The following CPNE8 variants were observed in gnomAD, a reference collection of about 807,000 sequenced individuals.
CPNE8 encodes copine 8.
A neutral mutation model predicts 81.5 loss-of-function variants in CPNE8; 45 were observed. The ratio of observed to expected loss-of-function variants is 0.55; its 90% CI spans 0.44 to 0.71. The LOEUF is 0.71. Ranked by LOEUF, CPNE8 falls within the 30% of genes least tolerant of loss-of-function variation. The pLI is 0.00. For synonymous variants in CPNE8, 252 were observed against 226.3 expected (o/e 1.11, Z -1.02); for missense variants, 594 against 672.1 (o/e 0.88, Z 1.28).
chr12:38,793,193 TA>T (rs1942369095), intron 6 of CPNE8, among the ~76,000 whole-genome samples: 1 of 143,164 alleles, frequency 7.0e-6, no homozygotes, highest in African/African-American at 3.0e-5. Context: ...CTCCCACTTC[TA>T]TTCAACATAA....
intron 19 of CPNE8, among the ~76,000 whole-genome samples, chr12:38,662,429 G>A (rs955757449): frequency 3.3e-5 from 5 of 151,868 alleles, no homozygotes; most frequent in Non-Finnish European, 5.9e-5. Context: ...CTAGAAATAC[G>A]TTTAATCAAA....
intron 13 of CPNE8, among the ~76,000 whole-genome samples, chr12:38,718,335 C>A (rs929029902): frequency 1.3e-5 from 2 of 152,054 alleles, no homozygotes; most frequent in African/African-American, 4.8e-5. Flanking sequence ...TGTGTTTTTT[C>A]TTTAGTTGAA....
intron 3 of CPNE8, among the ~76,000 whole-genome samples, chr12:38,848,896 C>A (rs1424498926): frequency 6.6e-6 from 1 of 152,124 alleles, no homozygotes; most frequent in African/African-American, 2.4e-5. Flanking sequence ...CATAATGCTT[C>A]TCCTTCTCCT....
intron 4 of CPNE8, among the ~76,000 whole-genome samples, chr12:38,847,062 C>T (rs994193402): frequency 8.6e-5 from 13 of 151,770 alleles, no homozygotes; most frequent in African/African-American, 2.4e-4. Context: ...AAAAAAAAAT[C>T]CCAGCATATA....
intron 3 of CPNE8, among the ~76,000 whole-genome samples, chr12:38,864,059 A>G: frequency 8.1e-6 from 1 of 123,406 alleles, no homozygotes; most frequent in African/African-American, 2.6e-5. Context: ...ATCTCTCACA[A>G]AAAAAAAAAA....
intron 8 of CPNE8, among the ~76,000 whole-genome samples, chr12:38,762,841 G>A (rs1941598906): frequency 6.6e-6 from 1 of 152,062 alleles, no homozygotes; most frequent in Admixed American, 6.6e-5. Flanking sequence ...TGAGAGAAAG[G>A]TGGGAGCAAT....
intron 19 of CPNE8, among the ~76,000 whole-genome samples, chr12:38,659,766 C>T (rs2630776): frequency 0.1 from 15,941 of 151,998 alleles, 1,045 homozygotes; most frequent in East Asian, 0.24. Flanking sequence ...CACAACTATA[C>T]GGAAACTGAA....
At chr12:38,799,410 C>A (rs559066407) in intron 6 of CPNE8, among the ~76,000 whole-genome samples, 57 of 152,248 alleles carry the variant, frequency 3.7e-4, no homozygotes, top group Middle Eastern at 3.4e-3. Flanking sequence ...AACTGCTCAA[C>A]TACATGGAAA....
At chr12:38,905,621 G>C, upstream of CPNE8, 1 of 1,519,806 alleles carries the variant, frequency 6.6e-7, no homozygotes, top group Non-Finnish European at 8.8e-7. Flanking sequence ...GCGGGGATGG[G>C]GGTTGAGGGT....
intron 18 of CPNE8, among the ~76,000 whole-genome samples, chr12:38,671,330 A>G (rs557797038): frequency 4.5e-4 from 68 of 152,220 alleles, no homozygotes; most frequent in African/African-American, 1.6e-3. Flanking sequence ...TTACAAATAG[A>G]TTTAACAACA....
intron 6 of CPNE8, among the ~76,000 whole-genome samples, chr12:38,817,080 G>A (rs75430965): frequency 0.013 from 1,926 of 152,234 alleles, 48 homozygotes; most frequent in African/African-American, 0.043. Context: ...CCTTTCTCCA[G>A]GGAATATGTG....
chr12:38,729,802 A>G (rs1940789886), intron 11 of CPNE8, among the ~76,000 whole-genome samples: 1 of 152,018 alleles, frequency 6.6e-6, no homozygotes, highest in Non-Finnish European at 1.5e-5. Context: ...AAATAACTAC[A>G]ATGTGTCTGC....
At chr12:38,901,471 A>C (rs57068357) in intron 1 of CPNE8, among the ~76,000 whole-genome samples, 11,248 of 152,252 alleles carry the variant, frequency 0.074, 1,106 homozygotes, top group African/African-American at 0.22. Context: ...CTATAGTAAT[A>C]AGCTTTCAGA....
At chr12:38,766,704 CCCT>C (rs1281030782) in intron 8 of CPNE8, among the ~76,000 whole-genome samples, 1 of 151,536 alleles carries the variant, frequency 6.6e-6, no homozygotes, top group Non-Finnish European at 1.5e-5. Flanking sequence ...CATTCTATTC[CCCT>C]CATTTTTAAT....
intron 6 of CPNE8, among the ~76,000 whole-genome samples, chr12:38,817,614 CTTT>C (rs869168296): frequency 1.1e-5 from 1 of 90,614 alleles, no homozygotes; most frequent in Admixed American, 1.7e-4. Context: ...TTAATTTATT[CTTT>C]TTTTTTTTTT....
At chr12:38,654,940 G>T (rs1191724092) in intron 19 of CPNE8, among the ~76,000 whole-genome samples, 1 of 152,086 alleles carries the variant, frequency 6.6e-6, no homozygotes, top group Non-Finnish European at 1.5e-5. Flanking sequence ...TATGAATATA[G>T]AATTCACACA....
intron 6 of CPNE8, among the ~76,000 whole-genome samples, chr12:38,781,215 A>G: frequency 6.6e-6 from 1 of 152,062 alleles, no homozygotes; most frequent in South Asian, 2.1e-4. Context: ...CTAAAATGCA[A>G]TCAGTTCAAA....
At chr12:38,713,253 G>A (rs1940305320) in intron 13 of CPNE8, among the ~76,000 whole-genome samples, 1 of 152,040 alleles carries the variant, frequency 6.6e-6, no homozygotes, top group African/African-American at 2.4e-5. Context: ...ATTCAATAAG[G>A]AAGTTACTGC....
At chr12:38,717,620 A>G (rs1479912191) in intron 13 of CPNE8, among the ~76,000 whole-genome samples, 1 of 151,558 alleles carries the variant, frequency 6.6e-6, no homozygotes. Flanking sequence ...TGGTAACACA[A>G]AGGCATAAGA....
Sources: allele counts gnomAD v4.1 joint callset (sites outside exome capture counted in the v4.1 genomes callset), GRCh38; gene constraint gnomAD v4.1.1; transcripts MANE v1.5; gene names NCBI Gene and HGNC (gene_info 2026-07-23, HGNC 2026-07-21).